The following HDGFL2 variants were observed in gnomAD, a reference collection of about 807,000 sequenced individuals.
HDGFL2 encodes hepatoma-derived growth factor-related protein 2.
In HDGFL2, 36 loss-of-function variants were observed where a neutral mutation model predicts 77.1. The ratio of observed to expected loss-of-function variants is 0.47; its 90% CI spans 0.36 to 0.62. The LOEUF (loss-of-function observed/expected upper bound fraction) is 0.62, where lower values mean the gene tolerates loss of function less well. HDGFL2 is among the 20% of genes least tolerant of loss of function. The pLI, the probability that HDGFL2 is intolerant of heterozygous loss-of-function variation, is 0.00. For synonymous variants in HDGFL2, 463 were observed against 413.1 expected (o/e 1.12, Z -1.46); for missense variants, 976 against 973.4 (o/e 1.00, Z -0.04).
intron 14 of HDGFL2, among the ~76,000 whole-genome samples, chr19:4,500,131 G>C (rs970747056): frequency 6.6e-6 from 1 of 152,252 alleles, no homozygotes; most frequent in Non-Finnish European, 1.5e-5. Context: ...GCCGACAGGA[G>C]ATGAGGTGTG....
intron 3 of HDGFL2, among the ~76,000 whole-genome samples, chr19:4,476,909 T>C (rs1011777353): frequency 2.0e-4 from 30 of 151,092 alleles, no homozygotes; most frequent in African/African-American, 7.1e-4. Context: ...CCGGGGTTAG[T>C]AGCCCAGGCT....
At chr19:4,478,506 T>G (rs1219699362) in intron 3 of HDGFL2, among the ~76,000 whole-genome samples, 3 of 151,530 alleles carry the variant, frequency 2.0e-5, no homozygotes, top group African/African-American at 7.3e-5. Context: ...CAGCCCAGGC[T>G]CATTCTTTTA....
chr19:4,486,594 C>G (rs1975368625), intron 3 of HDGFL2, among the ~76,000 whole-genome samples: 1 of 151,704 alleles, frequency 6.6e-6, no homozygotes. Context: ...AATCCCAGCA[C>G]TTTGGGAGGC....
At chr19:4,483,152 T>A (rs888278401) in intron 3 of HDGFL2, among the ~76,000 whole-genome samples, 1 of 152,200 alleles carries the variant, frequency 6.6e-6, no homozygotes, top group African/African-American at 2.4e-5. Flanking sequence ...CCCTTTTTAA[T>A]CTTGTCAAAA....
chr19:4,475,854 C>T (rs1975058227), intron 3 of HDGFL2, among the ~76,000 whole-genome samples: 2 of 151,666 alleles, frequency 1.3e-5, no homozygotes, highest in Admixed American at 1.3e-4. Context: ...AGAATCAGCC[C>T]TGGCGAGAAC....
In HDGFL2 at chr19:4,476,632, G is replaced by A. The variant is rs981436390; in HGVS notation, c.288+1049G>A. On this transcript the variant is annotated intron_variant, in intron 3 of 15. Transcript: ENST00000616600. ...TTTAGAGGAGTGAAAAGTCTGTAGTGTGTAGATGTGAGCGTTCTCAGTCAG... is the reference window on the plus strand; with the variant it reads ...TTTAGAGGAGTGAAAAGTCTGTAGTATGTAGATGTGAGCGTTCTCAGTCAG... 2.0e-5 allele frequency among the ~76,000 whole-genome samples: 3 copies of A among 150,872 alleles called. No individual in the cohort carries two copies. The South Asian group carries it at 6.5e-4, about 33-fold the overall frequency.
At position 4,481,616 on chromosome 19, in the gene HDGFL2, G is replaced by A. The variant is rs182831236; in HGVS notation, c.288+6033G>A. 4.6e-5 allele frequency among the ~76,000 whole-genome samples: 7 copies of A among 152,072 alleles called. No homozygotes were observed. In the East Asian group the frequency reaches 9.7e-4, roughly 21 times the overall value. On this transcript the variant is annotated intron_variant, in intron 3 of 15. Transcript: ENST00000616600. ...GCTGGGATTACAGGCTTGAGCCACCGCGCCCGGCCAATTTTTGTATTTTTT... is the reference window on the plus strand; with the variant it reads ...GCTGGGATTACAGGCTTGAGCCACCACGCCCGGCCAATTTTTGTATTTTTT...
chr19:4,472,350 C>T lies in HDGFL2; in HGVS notation c.-1C>T, dbSNP rs781006563. 4 of 1,522,750 alleles carry T rather than the reference C, an allele frequency of 2.6e-6. No homozygotes were observed. The highest frequency in any genetic ancestry group is 1.2e-5 in the South Asian group (1 of 80,396). 94.3% of individuals were successfully genotyped at this position (1,522,750 alleles called of 1,614,324 possible). A position where few individuals can be genotyped will look rare whatever the true frequency, so the allele number is the denominator to read the frequency against. On this transcript the variant is annotated 5_prime_UTR_variant, in exon 1 of 16. Transcript: ENST00000616600. The stretch of plus-strand genomic sequence containing the variant: ...CGCGGCCTGGGCCTCTCGCCGTCAG[C>T]ATGCCACACGCCTTCAAGCCCGGGG...
In HDGFL2 at chr19:4,501,628, G is replaced by T. The variant is rs1020546464; in HGVS notation, c.1917-283G>T. 8 of 474,488 alleles carry T rather than the reference G, an allele frequency of 1.7e-5. No homozygotes were observed. The Admixed American group carries it at 3.1e-4, about 18-fold the overall frequency. 29.4% of individuals were successfully genotyped at this position (474,488 alleles called of 1,614,324 possible). ...GAGCACGGGCACCCGGCTATCTGACGGTGCCTGTGCCCATCACTGTGGGCT... is the reference window on the plus strand; with the variant it reads ...GAGCACGGGCACCCGGCTATCTGACTGTGCCTGTGCCCATCACTGTGGGCT... On this transcript the variant is annotated intron_variant, in intron 15 of 15. Transcript: ENST00000616600.
rs1190715940 is a variant in HDGFL2 at position 4,488,657 on chromosome 19, T to C, written c.289-19T>C. On this transcript the variant is annotated intron_variant, in intron 3 of 15. Coordinates refer to ENST00000616600, the MANE Select transcript of HDGFL2 (RefSeq NM_001001520.3). ...CCACGACTGGTGGTGACGCGCGTTC[T>C]CTGCCCCGACTCCCACAGCCAGTGA... is the stretch of plus-strand genomic sequence containing the variant. 5.9e-6 allele frequency: 9 copies of C among 1,536,258 alleles called. No individual in the cohort carries two copies. The highest frequency in any genetic ancestry group is 7.9e-6 in the Non-Finnish European group (9 of 1,145,520).
Position 4,493,738 on chromosome 19 carries a change from C to A in HDGFL2, c.714C>A (p.Ala238=). 1 of 1,514,098 alleles carries A rather than the reference C, an allele frequency of 6.6e-7. No individual in the cohort carries two copies. The highest frequency in any genetic ancestry group is 2.2e-5 in the Admixed American group (1 of 46,390). 93.8% of individuals were successfully genotyped at this position (1,514,098 alleles called of 1,614,324 possible). ...CAGCCTCCGACTCCGACTCCAAGGC[C>A]GATTCGGACGGGGCCAAGCCTGAGC... The part of the protein sequence containing the change: ...APSASDSDSK[A]DSDGAKPEPV... The change falls in exon 7 of 16, where the codon GCC becomes GCA. Residue 238 remains alanine (A), a synonymous_variant. Transcript: ENST00000616600.
chr19:4,474,628 T>C (rs1339229846), intron 1 of HDGFL2, among the ~76,000 whole-genome samples: 2 of 151,970 alleles, frequency 1.3e-5, no homozygotes, highest in Non-Finnish European at 2.9e-5. Flanking sequence ...CAATGCAACT[T>C]TATAGGCACT....
At chr19:4,494,813 A>G (rs770541273) in intron 9 of HDGFL2, among the ~76,000 whole-genome samples, 3 of 152,238 alleles carry the variant, frequency 2.0e-5, no homozygotes, top group Non-Finnish European at 4.4e-5. Flanking sequence ...CCGGCTGCTC[A>G]GGAGGCTGAG....
chr19:4,500,082 C>T (rs370356124), intron 14 of HDGFL2, among the ~76,000 whole-genome samples: 30 of 151,888 alleles, frequency 2.0e-4, no homozygotes, highest in African/African-American at 6.8e-4. Flanking sequence ...GGTGGAGGCT[C>T]GGGGGCGGAG....
intron 3 of HDGFL2, among the ~76,000 whole-genome samples, chr19:4,475,810 T>G (rs988413996): frequency 3.3e-5 from 5 of 151,904 alleles, no homozygotes; most frequent in African/African-American, 1.2e-4. Flanking sequence ...CCCCAGTCAT[T>G]GCCCAGTGTC....
rs754382725 is a variant in HDGFL2, at chr19:4,498,385, C to G, written c.1473+9C>G. Reference sequence around the variant, plus strand: ...TAAAGGTCGACAGCCCGGTAAGACCCTCAGGGCCTGTGAGCCAAGCAGTCC... The same window carrying G: ...TAAAGGTCGACAGCCCGGTAAGACCGTCAGGGCCTGTGAGCCAAGCAGTCC... On this transcript the variant is annotated intron_variant, in intron 12 of 15. Transcript: ENST00000616600. The G allele has an allele frequency of 6.2e-7, 1 of 1,609,550 alleles. No homozygotes were observed. The highest frequency in any genetic ancestry group is 8.5e-7 in the Non-Finnish European group (1 of 1,176,328).
At chr19:4,488,531 CG>C (rs1975419169) in intron 3 of HDGFL2, 144 bp from the exon 4 acceptor site, 3 of 742,356 alleles carry the variant, frequency 4.0e-6, no homozygotes, top group Non-Finnish European at 6.5e-6. Context: ...TTCTGGGCCT[CG>C]GTTTCCCCAT....
chr19:4,501,844 C>G (rs994519619), intron 15 of HDGFL2, 67 bp from the exon 16 acceptor site: 2 of 1,254,326 alleles, frequency 1.6e-6, no homozygotes, highest in African/African-American at 3.1e-5. Context: ...CCCATCCCAC[C>G]CAACCGCCCT....
intron 3 of HDGFL2, among the ~76,000 whole-genome samples, chr19:4,487,554 C>T (rs1053779508): frequency 6.6e-6 from 1 of 152,088 alleles, no homozygotes; most frequent in Non-Finnish European, 1.5e-5. Context: ...ACCAGCCCTA[C>T]TCCCCTCTGA....
Sources: allele counts gnomAD v4.1 joint callset (sites outside exome capture counted in the v4.1 genomes callset), GRCh38; gene constraint gnomAD v4.1.1; transcripts MANE v1.5; gene names NCBI Gene and HGNC (gene_info 2026-07-23, HGNC 2026-07-21).